Variants in DNAH5 observed in about 807,000 individuals in gnomAD.
DNAH5 encodes the protein dynein axonemal heavy chain 5.
A neutral mutation model predicts 518.2 loss-of-function variants in DNAH5; 372 were observed. That is an observed-to-expected ratio of 0.72 (90% CI 0.66 to 0.78). DNAH5 has a LOEUF of 0.78. Ranked by LOEUF, DNAH5 falls within the 30% of genes least tolerant of loss-of-function variation. DNAH5 has a pLI of 0.00. For synonymous variants in DNAH5, 2,039 were observed against 2,025.9 expected, an observed-to-expected ratio of 1.01 and a Z score of -0.17; for missense variants, 5,523 against 5,687.0, an observed-to-expected ratio of 0.97 and a Z score of 0.93.
At chr5:13,800,160 A>T (rs928198481) in intron 47 of DNAH5, among the ~76,000 whole-genome samples, 1 of 152,144 alleles carries the variant, frequency 6.6e-6, no homozygotes, top group Non-Finnish European at 1.5e-5. Context: ...ACTTGAGGTG[A>T]GGTGTGAAAT....
At chr5:13,988,602 C>T (rs111720853) in intron 1 of DNAH5, among the ~76,000 whole-genome samples, 47,460 of 150,946 alleles carry the variant, frequency 0.31, 7,787 homozygotes, top group East Asian at 0.56. Flanking sequence ...ATTTTTAGTA[C>T]AGATGGGGTT....
chr5:13,766,099 T>C lies in DNAH5; in HGVS notation c.9978A>G (p.Val3326=). The change falls in exon 59 of 79, where the codon GTA becomes GTG. Residue 3326 remains valine (V), a synonymous_variant. Transcript: ENST00000265104. ...TGACTTTCCTTTGAAACAGCAGCAG[T>C]ACGCAATCCATGATCCGCATGATGA... is the stretch of plus-strand genomic sequence containing the variant. ...PHLIMRIMDC[V]LLLFQRKVSA... 6.2e-7 allele frequency: 1 copy of C among 1,614,172 alleles called. No homozygotes were observed.
chr5:13,976,677 ATG>A (rs139063732), intron 1 of DNAH5, among the ~76,000 whole-genome samples: 42,630 of 140,508 alleles, frequency 0.3, 7,139 homozygotes, highest in South Asian at 0.43. Context: ...GAAAAAAACA[ATG>A]TGTGTGTGTG....
chr5:13,947,772 ATC>A (rs1780045188), upstream of DNAH5, among the ~76,000 whole-genome samples: 1 of 152,238 alleles, frequency 6.6e-6, no homozygotes, highest in Non-Finnish European at 1.5e-5. Context: ...AAACACATTC[ATC>A]AGTTTAATAG....
At chr5:13,920,394 G>A in intron 6 of DNAH5, 86 bp downstream of exon 6, 1 of 1,561,302 alleles carries the variant, frequency 6.4e-7, no homozygotes, top group Non-Finnish European at 8.8e-7. Context: ...CTTAACAAAT[G>A]GAATGTCGTA....
At position 13,820,628 on chromosome 5, in the gene DNAH5, G is replaced by A; in HGVS notation, c.6688-129C>T. 6.6e-6 allele frequency: 7 copies of A among 1,059,678 alleles called. No individual in the cohort carries two copies. In the South Asian group the frequency reaches 9.0e-5, roughly 14 times the overall value. The allele number at this position is 1,059,678 out of a possible 1,614,324, so 65.6% of individuals were successfully genotyped here. On this transcript the variant is annotated intron_variant, in intron 40 of 78. Coordinates refer to ENST00000265104, the MANE Select transcript of DNAH5 (RefSeq NM_001369.3). ...TCACAAGGTCAGGAGTTCAAGACCAGCCAGGCCAACATGGTGAAACCCCGT... is the reference window on the plus strand; with the variant it reads ...TCACAAGGTCAGGAGTTCAAGACCAACCAGGCCAACATGGTGAAACCCCGT...
chr5:13,737,331 G>C lies in DNAH5; in HGVS notation c.11376C>G (p.Ala3792=). 1 of 1,613,878 alleles carries C rather than the reference G, an allele frequency of 6.2e-7. No homozygotes were observed. Among genetic ancestry groups the C allele is most frequent in the Non-Finnish European group, 8.5e-7 (1 of 1,179,974 alleles). Residue 3792 remains alanine (A), a synonymous_variant, in exon 66 of 79, where the codon GCC becomes GCG. Transcript: ENST00000265104. ...IVVLSNTKRT[A]EEVTQKLEIS... ...TTTCTAGCTTCTGTGTCACCTCCTC[G>C]GCTGTCCTTTTTGTGTTACTCAGCA...
At chr5:13,749,782 A>G (rs916309136) in intron 65 of DNAH5, among the ~76,000 whole-genome samples, 2 of 152,314 alleles carry the variant, frequency 1.3e-5, no homozygotes, top group East Asian at 1.9e-4. Context: ...CTATTGCTCA[A>G]GAATCCCAGT....
chr5:13,885,272 G>T, intron 18 of DNAH5, 44 bp from the exon 19 acceptor site: 2 of 1,605,720 alleles, frequency 1.2e-6, no homozygotes, highest in Admixed American at 3.3e-5. Flanking sequence ...AAGTTAGATG[G>T]ATGGATGGAT....
intron 78 of DNAH5, among the ~76,000 whole-genome samples, chr5:13,695,568 A>G (rs1270528537): frequency 6.6e-6 from 1 of 152,210 alleles, no homozygotes; most frequent in Non-Finnish European, 1.5e-5. Context: ...ATACCTCATG[A>G]CAAACAAATG....
intron 23 of DNAH5, 67 bp downstream of exon 23, chr5:13,871,497 A>C (rs991702602): frequency 7.4e-7 from 1 of 1,351,624 alleles, no homozygotes; most frequent in African/African-American, 1.4e-5. Flanking sequence ...CTGGAATACA[A>C]ATCTAGGTAA....
At chr5:13,793,901 T>C in intron 48 of DNAH5, 35 bp downstream of exon 48, 2 of 1,611,764 alleles carry the variant, frequency 1.2e-6, no homozygotes, top group Non-Finnish European at 1.7e-6. Flanking sequence ...CAATACCAAA[T>C]TAAAGAAATA....
intron 52 of DNAH5, among the ~76,000 whole-genome samples, chr5:13,784,657 G>T (rs1281538260): frequency 1.3e-5 from 2 of 152,186 alleles, no homozygotes; most frequent in East Asian, 3.8e-4. Context: ...GTGACAATTT[G>T]TAATTGTGCA....
At chr5:13,982,074 A>G (rs1782710962) in intron 1 of DNAH5, among the ~76,000 whole-genome samples, 1 of 152,224 alleles carries the variant, frequency 6.6e-6, no homozygotes, top group Non-Finnish European at 1.5e-5. Flanking sequence ...AGGTCAAAAT[A>G]CTTCCCTCGT....
At chr5:13,997,982 T>A (rs769241584) in intron 1 of DNAH5, among the ~76,000 whole-genome samples, 15 of 152,106 alleles carry the variant, frequency 9.9e-5, no homozygotes, top group Non-Finnish European at 1.8e-4. Context: ...TAGCTGGGAC[T>A]ACAGGCATGT....
intron 55 of DNAH5, among the ~76,000 whole-genome samples, chr5:13,775,320 T>C (rs1753927575): frequency 6.6e-6 from 1 of 152,088 alleles, no homozygotes; most frequent in Non-Finnish European, 1.5e-5. Context: ...CTACTGTCAA[T>C]AGTGAAGCGC....
At chr5:13,863,182 C>T (rs1768739172) in intron 28 of DNAH5, among the ~76,000 whole-genome samples, 1 of 152,144 alleles carries the variant, frequency 6.6e-6, no homozygotes. Flanking sequence ...CTTTCCCAGT[C>T]TCCTCATGGC....
intron 53 of DNAH5, among the ~76,000 whole-genome samples, chr5:13,777,960 G>T (rs145731185): frequency 6.6e-6 from 1 of 152,264 alleles, no homozygotes; most frequent in East Asian, 1.9e-4. Flanking sequence ...ATCTTTAGGT[G>T]GAAGTGAACC....
Position 13,769,135 on chromosome 5 carries a change from A to AC in DNAH5, c.9721dup (p.Val3241GlyfsTer13), listed in dbSNP as rs755153838. The AC allele has an allele frequency of 6.2e-7, 1 of 1,613,952 alleles. No homozygotes were observed. Among genetic ancestry groups the AC allele is most frequent in the Non-Finnish European group, 8.5e-7 (1 of 1,179,980 alleles). ...TGCTTTCATTGTCACTTCTTTTAAG[A>AC]CCTAATTCAATATAAAGCAAGCAAT... On this transcript the variant is annotated frameshift_variant and splice_region_variant, in exon 58 of 79. Coordinates refer to ENST00000265104, the MANE Select transcript of DNAH5 (RefSeq NM_001369.3). LOFTEE classifies it high-confidence loss of function.
Sources: allele counts gnomAD v4.1 joint callset (sites outside exome capture counted in the v4.1 genomes callset), GRCh38; gene constraint gnomAD v4.1.1; transcripts MANE v1.5; gene names NCBI Gene and HGNC (gene_info 2026-07-23, HGNC 2026-07-21).